The following EIF2AK4 variants were observed in gnomAD, a reference collection of about 807,000 sequenced individuals.
EIF2AK4 encodes the protein eIF-2-alpha kinase GCN2.
Under a neutral mutation model 211.1 loss-of-function variants are expected in EIF2AK4, and 139 were observed. The ratio of observed to expected loss-of-function variants is 0.66; its 90% CI spans 0.57 to 0.76. EIF2AK4 has a LOEUF of 0.76. Among genes scored for constraint, EIF2AK4 ranks in the 30% least tolerant of loss-of-function variants. EIF2AK4 has a pLI of 0.00. For synonymous variants in EIF2AK4, 710 were observed against 751.3 expected (o/e 0.94, Z 0.90); for missense variants, 1,664 against 2,043.8 (o/e 0.81, Z 3.58).
chr15:39,950,473 C>T (rs531017687), intron 4 of EIF2AK4, among the ~76,000 whole-genome samples: 2 of 152,096 alleles, frequency 1.3e-5, no homozygotes, highest in South Asian at 4.2e-4. Flanking sequence ...CACCTGTAAT[C>T]CCAGCCACTC....
intron 2 of EIF2AK4, among the ~76,000 whole-genome samples, chr15:39,942,526 A>G (rs975865168): frequency 1.3e-5 from 2 of 152,240 alleles, no homozygotes; most frequent in Non-Finnish European, 2.9e-5. Context: ...GTTAAATGCC[A>G]TGAATTACTC....
intron 32 of EIF2AK4, among the ~76,000 whole-genome samples, chr15:40,022,940 G>C (rs954077846): frequency 6.6e-6 from 1 of 152,082 alleles, no homozygotes; most frequent in Non-Finnish European, 1.5e-5. Context: ...TCACCATGTT[G>C]GCCAGGATGG....
intron 35 of EIF2AK4, among the ~76,000 whole-genome samples, chr15:40,031,196 T>C (rs902055197): frequency 6.6e-6 from 1 of 152,132 alleles, no homozygotes; most frequent in Non-Finnish European, 1.5e-5. Flanking sequence ...GCCAAGATCA[T>C]GGCACTACAC....
Position 40,029,416 on chromosome 15 carries a change from G to T in EIF2AK4, c.4513G>T (p.Asp1505Tyr). The change falls in exon 34 of 39, where the codon GAT becomes TAT. Residue 1505 changes from aspartate to tyrosine, a missense_variant. Coordinates refer to ENST00000263791, the MANE Select transcript of EIF2AK4 (RefSeq NM_001013703.4). ...TTTGCTTGTTTTTAGAGAAGCTTCC[G>T]ATAATCTTGCAGTGCAAAATCTGAA... is the stretch of plus-strand genomic sequence containing the variant. ...TDERNGREAS[D>Y]NLAVQNLKGS... The T allele has an allele frequency of 6.2e-7, 1 of 1,612,662 alleles. No individual in the cohort carries two copies.
chr15:39,934,317 T>G lies in EIF2AK4; in HGVS notation c.122T>G (p.Leu41Arg). ...ATTTACGGCGCGGACTTCCAAGACC[T>G]GCGGCCGGACGCTTGCGGACCGGTA... ...EAIYGADFQD[L>R]RPDACGPVKE... is the part of the protein sequence containing the mutation. Residue 41 changes from leucine to arginine, a missense_variant, in exon 1 of 39, where the codon CTG (leucine) becomes CGG (arginine). This residue lies in a region of EIF2AK4 where 641 missense variants were observed against 729.6 expected (regional missense o/e 0.88). Coordinates refer to ENST00000263791, the MANE Select transcript of EIF2AK4 (RefSeq NM_001013703.4). 1 of 1,610,680 alleles carries G rather than the reference T, an allele frequency of 6.2e-7. No homozygotes were observed. The highest frequency in any genetic ancestry group is 1.1e-5 in the South Asian group (1 of 90,494).
intron 13 of EIF2AK4, among the ~76,000 whole-genome samples, chr15:39,979,188 G>A (rs1025182713): frequency 1.3e-5 from 2 of 152,190 alleles, no homozygotes; most frequent in Non-Finnish European, 2.9e-5. Flanking sequence ...AAGCAAAGAT[G>A]TGGGAAGTAG....
intron 35 of EIF2AK4, among the ~76,000 whole-genome samples, chr15:40,031,321 A>C (rs1203383551): frequency 6.6e-6 from 1 of 152,248 alleles, no homozygotes; most frequent in Non-Finnish European, 1.5e-5. Context: ...TATGCAAAAG[A>C]GTGAGTGTTA....
chr15:39,944,026 A>T (rs752347464), intron 3 of EIF2AK4, among the ~76,000 whole-genome samples: 9 of 152,202 alleles, frequency 5.9e-5, no homozygotes, highest in Non-Finnish European at 1.2e-4. Context: ...TACTTTTTGT[A>T]TACTTTGGAT....
In EIF2AK4 at chr15:39,976,786, A is replaced by G. The variant is rs554932117; in HGVS notation, c.2191A>G (p.Ser731Gly). 4.3e-5 allele frequency: 68 copies of G among 1,580,808 alleles called. No individual in the cohort carries two copies. The East Asian group carries it at 1.4e-3, about 34-fold the overall frequency. Residue 731 changes from serine (S) to glycine (G), a missense_variant, in exon 12 of 39, where the codon AGC (serine) becomes GGC (glycine). By Grantham distance (56) the Ser-to-Gly change is moderately conservative. Transcript: ENST00000263791. ...ARFPATGPGS[S>G]DDEDDDEDEH... is the part of the protein sequence containing the mutation. ...TTTCCCCGCCACCGGCCCGGGCTCC[A>G]GCGATGACGAGGACGACGACGAGGA...
intron 17 of EIF2AK4, 84 bp downstream of exon 17, chr15:39,992,313 G>C: frequency 8.0e-7 from 1 of 1,248,886 alleles, no homozygotes; most frequent in South Asian, 1.6e-5. Flanking sequence ...TACTTGTAAA[G>C]GTTTTATTCT....
rs1413003529 is a variant in EIF2AK4, at chr15:40,034,526, CTTG to C, written c.4892+86_4892+88del. ...TTTCAGAGTGACATTATTTTGTTGT[CTTG>C]TTGAGGTTTGACGCCTGGTAAGCTG... On this transcript the variant is annotated intron_variant, in intron 38 of 38. Transcript: ENST00000263791. The C allele has an allele frequency of 6.7e-5, 75 of 1,111,260 alleles. No individual in the cohort carries two copies. The East Asian group carries it at 1.5e-3, about 22-fold the overall frequency. 68.8% of individuals were successfully genotyped at this position (1,111,260 alleles called of 1,614,324 possible).
rs1164014199 is a variant in EIF2AK4 at position 40,022,620 on chromosome 15, G to A, written c.4389+15G>A. On this transcript the variant is annotated intron_variant, in intron 32 of 38. Transcript: ENST00000263791. ...GCCATGTCAAGGTAAAGACGTCAGA[G>A]ATTTTTTACAATTCAATAGTTAGGT... 1.2e-6 allele frequency: 2 copies of A among 1,612,298 alleles called. No homozygotes were observed. Among genetic ancestry groups the A allele is most frequent in the Non-Finnish European group, 1.7e-6 (2 of 1,178,478 alleles).
chr15:39,944,860 C>G (rs1005132880), intron 3 of EIF2AK4, among the ~76,000 whole-genome samples: 1 of 152,162 alleles, frequency 6.6e-6, no homozygotes, highest in South Asian at 2.1e-4. Flanking sequence ...TTTTTACTTG[C>G]TTTTCATAAC....
chr15:40,017,629 C>G (rs531753945), intron 29 of EIF2AK4, among the ~76,000 whole-genome samples: 14 of 147,164 alleles, frequency 9.5e-5, no homozygotes, highest in Admixed American at 4.8e-4. Context: ...ACAGCAGCCT[C>G]GACCTCCCTG....
chr15:39,943,027 T>A (rs565125039), intron 2 of EIF2AK4, among the ~76,000 whole-genome samples: 1 of 148,494 alleles, frequency 6.7e-6, no homozygotes, highest in South Asian at 2.1e-4. Context: ...AGAACTGGAA[T>A]GATTTTTTTT....
intron 18 of EIF2AK4, among the ~76,000 whole-genome samples, chr15:39,996,759 A>G (rs766228338): frequency 1.3e-5 from 2 of 152,202 alleles, no homozygotes; most frequent in African/African-American, 4.8e-5. Context: ...ATCATGCCAA[A>G]TATTTTATCA....
intron 10 of EIF2AK4, among the ~76,000 whole-genome samples, chr15:39,973,287 C>G (rs917158954): frequency 1.3e-5 from 2 of 152,098 alleles, no homozygotes; most frequent in Non-Finnish European, 2.9e-5. Flanking sequence ...TCCTGCTGCA[C>G]CTGAGATTAA....
chr15:39,994,835 C>CATTATT (rs200224962), intron 18 of EIF2AK4, among the ~76,000 whole-genome samples: 5 of 151,208 alleles, frequency 3.3e-5, no homozygotes, highest in African/African-American at 9.7e-5. Flanking sequence ...CCTTTAGTGT[C>CATTATT]ATTATTATTA....
chr15:39,946,813 T>C (rs1462771871), intron 3 of EIF2AK4: 1 of 598,274 alleles, frequency 1.7e-6, no homozygotes, highest in African/African-American at 1.9e-5. Flanking sequence ...CAAAACCCTC[T>C]GTCTGCAAAA....
Sources: gnomAD v4.1 joint callset for allele counts (sites outside exome capture counted in the v4.1 genomes callset) on GRCh38, gnomAD v4.1.1 for gene constraint, gnomAD v4.1.1 regional missense constraint, MANE v1.5 for transcripts, NCBI Gene and HGNC (gene_info 2026-07-23, HGNC 2026-07-21) for gene names.